Variants in DCC observed in about 807,000 individuals in gnomAD.
DCC encodes netrin receptor DCC.
A neutral mutation model predicts 172.5 loss-of-function variants in DCC; 58 were observed. That is an observed-to-expected ratio of 0.34 (90% CI 0.27 to 0.42). The LOEUF (loss-of-function observed/expected upper bound fraction) is 0.42, where lower values mean the gene tolerates loss of function less well. Among genes scored for constraint, DCC ranks in the 10% least tolerant of loss-of-function variants. The pLI, the probability that DCC is intolerant of heterozygous loss-of-function variation, is 1.00. For synonymous variants in DCC, 709 were observed against 644.5 expected, an observed-to-expected ratio of 1.10 and a Z score of -1.52; for missense variants, 1,740 against 1,791.0, an observed-to-expected ratio of 0.97 and a Z score of 0.51.
chr18:53,107,035 G>A (rs1289152483), intron 7 of DCC, among the ~76,000 whole-genome samples: 1 of 151,826 alleles, frequency 6.6e-6, no homozygotes, highest in Non-Finnish European at 1.5e-5. Context: ...CCTGGGTCTG[G>A]TAAATTCTGG....
chr18:53,169,956 G>A (rs909735368), intron 8 of DCC, among the ~76,000 whole-genome samples: 3 of 152,046 alleles, frequency 2.0e-5, no homozygotes, highest in African/African-American at 7.2e-5. Context: ...ATAATAAACT[G>A]CCCTTCCAAA....
chr18:53,114,432 A>T (rs921706237), intron 7 of DCC, among the ~76,000 whole-genome samples: 4 of 151,672 alleles, frequency 2.6e-5, no homozygotes, highest in Admixed American at 2.6e-4. Context: ...CACATAAAAA[A>T]GTAATAGAGT....
At chr18:53,349,702 T>G (rs770097067) in intron 15 of DCC, among the ~76,000 whole-genome samples, 1 of 152,184 alleles carries the variant, frequency 6.6e-6, no homozygotes, top group Non-Finnish European at 1.5e-5. Context: ...AAAAGAGAGC[T>G]TGTGCATAGA....
intron 2 of DCC, among the ~76,000 whole-genome samples, chr18:52,881,342 C>T (rs2039482872): frequency 6.6e-6 from 1 of 151,822 alleles, no homozygotes; most frequent in African/African-American, 2.4e-5. Flanking sequence ...CAAGCAGAAG[C>T]TGTATAACTT....
At chr18:52,870,536 C>T (rs533002204) in intron 2 of DCC, among the ~76,000 whole-genome samples, 22 of 152,228 alleles carry the variant, frequency 1.4e-4, no homozygotes, top group African/African-American at 3.1e-4. Context: ...GCCATTATTC[C>T]GGAGGCCGTA....
At chr18:52,658,784 A>T (rs1844611384) in intron 1 of DCC, among the ~76,000 whole-genome samples, 1 of 152,190 alleles carries the variant, frequency 6.6e-6, no homozygotes, top group South Asian at 2.1e-4. Flanking sequence ...CACCTGGATC[A>T]TTCATTCTAG....
At chr18:52,400,880 G>A (rs1986410507) in intron 1 of DCC, among the ~76,000 whole-genome samples, 1 of 152,004 alleles carries the variant, frequency 6.6e-6, no homozygotes. Flanking sequence ...ACTCATAAGT[G>A]GGAGTTGGAC....
At chr18:53,341,698 T>A (rs1315126837) in intron 15 of DCC, among the ~76,000 whole-genome samples, 1 of 152,228 alleles carries the variant, frequency 6.6e-6, no homozygotes, top group Non-Finnish European at 1.5e-5. Context: ...AATGAACTGC[T>A]ATTTTTCCAA....
intron 3 of DCC, among the ~76,000 whole-genome samples, chr18:52,909,924 G>A (rs745518717): frequency 6.6e-6 from 1 of 152,140 alleles, no homozygotes; most frequent in Non-Finnish European, 1.5e-5. Flanking sequence ...GCAAAGAGAA[G>A]TATACACCAT....
chr18:53,351,949 G>C (rs1289254230), intron 15 of DCC, among the ~76,000 whole-genome samples: 1 of 151,902 alleles, frequency 6.6e-6, no homozygotes, highest in African/African-American at 2.4e-5. Flanking sequence ...AAGCTATTTT[G>C]TTAAATTTTT....
Position 53,509,831 on chromosome 18 carries a change from G to C in DCC, c.4111+10321G>C, listed in dbSNP as rs541957491. ...TCTTTTGTTTTGTTTTTCAAGATCA[G>C]TTCCAAAACCTTGTACTGAAACAAC... On this transcript the variant is annotated intron_variant, in intron 27 of 28. Coordinates refer to ENST00000442544, the MANE Select transcript of DCC (RefSeq NM_005215.4). Among the ~76,000 whole-genome samples the C allele has an allele frequency of 9.3e-4, 142 of 152,246 alleles. 1 individual carries two copies. The highest frequency in any genetic ancestry group is 6.8e-3 in the Middle Eastern group (2 of 294).
At chr18:53,430,235 T>C (rs144279201) in intron 21 of DCC, among the ~76,000 whole-genome samples, 4 of 152,248 alleles carry the variant, frequency 2.6e-5, no homozygotes, top group African/African-American at 4.8e-5. Context: ...TGGAAAGATA[T>C]ACATTGAACA....
intron 1 of DCC, among the ~76,000 whole-genome samples, chr18:52,631,318 C>A (rs1334583773): frequency 6.6e-6 from 1 of 151,958 alleles, no homozygotes; most frequent in Non-Finnish European, 1.5e-5. Context: ...AAATAAAAAA[C>A]AGAAAAAGCT....
At position 53,300,994 on chromosome 18, in the gene DCC, T is replaced by C. The variant is rs28634462; in HGVS notation, c.1912-4584T>C. ...CTTTCTTTCTTTCTTTCTTTCTTTTTTTTTCTTTTCTTTCTTTTCACTCTT... is the reference window on the plus strand; with the variant it reads ...CTTTCTTTCTTTCTTTCTTTCTTTTCTTTTCTTTTCTTTCTTTTCACTCTT... On this transcript the variant is annotated intron_variant, in intron 12 of 28. Coordinates refer to ENST00000442544, the MANE Select transcript of DCC (RefSeq NM_005215.4). Among the ~76,000 whole-genome samples the C allele has an allele frequency of 3.1e-3, 422 of 134,340 alleles. 6 individuals are homozygous for C. Among genetic ancestry groups the C allele is most frequent in the African/African-American group, 4.9e-3 (172 of 34,750 alleles). The allele number at this position is 134,340 out of a possible 152,430, so 88.1% of individuals were successfully genotyped here.
intron 1 of DCC, among the ~76,000 whole-genome samples, chr18:52,597,843 T>C (rs1486926341): frequency 6.6e-6 from 1 of 152,218 alleles, no homozygotes. Context: ...TGTTTCATGG[T>C]TGCAAGCTCA....
intron 5 of DCC, among the ~76,000 whole-genome samples, chr18:52,967,461 A>G (rs1374790345): frequency 1.3e-5 from 2 of 152,178 alleles, no homozygotes; most frequent in African/African-American, 4.8e-5. Context: ...AGTTTTGACC[A>G]GGACCTTGAA....
At chr18:53,039,795 C>G (rs11082964) in intron 5 of DCC, among the ~76,000 whole-genome samples, 47,071 of 151,904 alleles carry the variant, frequency 0.31, 8,399 homozygotes, top group African/African-American at 0.49. Flanking sequence ...GGATCCTTTT[C>G]ACTTTTCCTT....
intron 9 of DCC, among the ~76,000 whole-genome samples, chr18:53,195,054 C>A (rs2055423579): frequency 1.3e-5 from 2 of 152,242 alleles, no homozygotes; most frequent in South Asian, 4.2e-4. Context: ...CTTATGCTAG[C>A]TCTGCGATAC....
chr18:52,590,446 G>A (rs943839304), intron 1 of DCC, among the ~76,000 whole-genome samples: 1 of 152,166 alleles, frequency 6.6e-6, no homozygotes, highest in Non-Finnish European at 1.5e-5. Context: ...TCTGCCTCAA[G>A]AAGTTGTCAG....
Sources: allele counts gnomAD v4.1 joint callset (sites outside exome capture counted in the v4.1 genomes callset), GRCh38; gene constraint gnomAD v4.1.1; transcripts MANE v1.5; gene names NCBI Gene and HGNC (gene_info 2026-07-23, HGNC 2026-07-21).